The following FTO variants were observed in gnomAD, a reference collection of about 807,000 sequenced individuals.
The protein encoded by FTO is alpha-ketoglutarate-dependent dioxygenase FTO.
FTO carries 47 observed loss-of-function variants against 63.9 expected under a neutral mutation model. The ratio of observed to expected loss-of-function variants is 0.74; its 90% CI spans 0.58 to 0.94. FTO has a LOEUF of 0.94. Among genes scored for constraint, FTO ranks in the 40% least tolerant of loss-of-function variants. FTO has a pLI of 0.00. For missense variants in FTO, 562 were observed against 618.1 expected, an observed-to-expected ratio of 0.91 and a Z score of 0.96; for synonymous variants, 207 against 224.4, an observed-to-expected ratio of 0.92 and a Z score of 0.69.
At chr16:53,817,529 A>G (rs529839658) in intron 2 of FTO, among the ~76,000 whole-genome samples, 1 of 152,326 alleles carries the variant, frequency 6.6e-6, no homozygotes, top group Admixed American at 6.5e-5. Flanking sequence ...AGAATATTCT[A>G]GTACTTCTAA....
intron 6 of FTO, among the ~76,000 whole-genome samples, chr16:53,881,897 T>C (rs1469702694): frequency 6.6e-6 from 1 of 152,218 alleles, no homozygotes; most frequent in Non-Finnish European, 1.5e-5. Context: ...AGTAATGTTA[T>C]TACATTCCAG....
At chr16:54,109,968 G>A (rs940144345) in intron 8 of FTO, among the ~76,000 whole-genome samples, 2 of 152,158 alleles carry the variant, frequency 1.3e-5, no homozygotes, top group African/African-American at 2.4e-5. Flanking sequence ...TCCCTACCCA[G>A]TAAATTGAGC....
intron 8 of FTO, among the ~76,000 whole-genome samples, chr16:54,075,844 T>G (rs1224118332): frequency 6.6e-6 from 1 of 152,242 alleles, no homozygotes; most frequent in Admixed American, 6.5e-5. Context: ...AGAGTCTTGA[T>G]GCTTGTTTTT....
chr16:54,062,313 G>C (rs762114051), intron 8 of FTO, among the ~76,000 whole-genome samples: 3 of 152,166 alleles, frequency 2.0e-5, no homozygotes, highest in African/African-American at 4.8e-5. Context: ...AGATTGACAG[G>C]CTTGGCCGTT....
chr16:53,704,970 A>G (rs1235855075), intron 1 of FTO, among the ~76,000 whole-genome samples: 3 of 152,046 alleles, frequency 2.0e-5, no homozygotes, highest in African/African-American at 4.8e-5. Context: ...TCTCATTCCC[A>G]AACTCAGATC....
chr16:53,747,590 T>C (rs538493725), intron 1 of FTO, among the ~76,000 whole-genome samples: 1 of 152,292 alleles, frequency 6.6e-6, no homozygotes, highest in Admixed American at 6.5e-5. Flanking sequence ...GTATAGCTTA[T>C]AAATGTTTTC....
chr16:53,808,334 CAA>C (rs376502692), intron 1 of FTO, among the ~76,000 whole-genome samples: 3 of 136,008 alleles, frequency 2.2e-5, no homozygotes, highest in African/African-American at 2.7e-5. Context: ...ACCCTGTCTC[CAA>C]AAAAAAAAAA....
intron 2 of FTO, among the ~76,000 whole-genome samples, chr16:53,822,390 G>A (rs1426915133): frequency 6.6e-6 from 1 of 152,172 alleles, no homozygotes; most frequent in Non-Finnish European, 1.5e-5. Flanking sequence ...ACTCTTATCA[G>A]TAGATAAGCA....
intron 8 of FTO, among the ~76,000 whole-genome samples, chr16:54,065,783 G>A (rs2085713447): frequency 6.6e-6 from 1 of 152,204 alleles, no homozygotes; most frequent in Admixed American, 6.5e-5. Context: ...CCAGCCCACT[G>A]TTAGGGATCA....
At chr16:54,031,148 A>G (rs2084821954) in intron 8 of FTO, among the ~76,000 whole-genome samples, 1 of 152,206 alleles carries the variant, frequency 6.6e-6, no homozygotes, top group Admixed American at 6.5e-5. Context: ...AGGTAATCAA[A>G]TCATTTCTTT....
At chr16:53,852,660 T>C (rs1408495362) in intron 4 of FTO, among the ~76,000 whole-genome samples, 1 of 152,232 alleles carries the variant, frequency 6.6e-6, no homozygotes, top group Non-Finnish European at 1.5e-5. Flanking sequence ...TAATCTACTG[T>C]AACTATCCAA....
At chr16:54,001,513 C>T (rs1379062072) in intron 8 of FTO, among the ~76,000 whole-genome samples, 1 of 152,124 alleles carries the variant, frequency 6.6e-6, no homozygotes, top group Non-Finnish European at 1.5e-5. Flanking sequence ...TGGAGGAAAA[C>T]CTAGCTGTAT....
At chr16:53,910,995 G>C (rs1292611103) in intron 7 of FTO, among the ~76,000 whole-genome samples, 1 of 152,242 alleles carries the variant, frequency 6.6e-6, no homozygotes, top group Non-Finnish European at 1.5e-5. Flanking sequence ...AGGAAGTTTA[G>C]GGGCAAATGA....
At chr16:53,895,689 A>T (rs967949761) in intron 7 of FTO, among the ~76,000 whole-genome samples, 8 of 152,168 alleles carry the variant, frequency 5.3e-5, no homozygotes, top group African/African-American at 1.9e-4. Context: ...TAACCCTTAC[A>T]TGAGCTGTGT....
chr16:53,737,401 T>C (rs1350083215), intron 1 of FTO, among the ~76,000 whole-genome samples: 3 of 152,224 alleles, frequency 2.0e-5, no homozygotes, highest in East Asian at 1.9e-4. Flanking sequence ...GCCTATTCTC[T>C]ACTGCATCAG....
intron 1 of FTO, among the ~76,000 whole-genome samples, chr16:53,756,838 G>A (rs561831293): frequency 1.3e-5 from 2 of 152,288 alleles, no homozygotes; most frequent in South Asian, 2.1e-4. Flanking sequence ...TGCACTCTTT[G>A]TGTACTCAGA....
At chr16:53,992,034 T>G (rs2083823116) in intron 8 of FTO, 1 of 152,108 alleles carries the variant, frequency 6.6e-6, no homozygotes, top group Non-Finnish European at 1.5e-5. Flanking sequence ...AGGACGACTT[T>G]GAGCGTTAGA....
intron 8 of FTO, among the ~76,000 whole-genome samples, chr16:53,954,006 C>T (rs2082862672): frequency 6.6e-6 from 1 of 152,212 alleles, no homozygotes; most frequent in Non-Finnish European, 1.5e-5. Flanking sequence ...TCTACCTTCA[C>T]TTATAGCTTC....
chr16:54,108,666 T>C (rs1167280649), intron 8 of FTO, among the ~76,000 whole-genome samples: 2 of 152,208 alleles, frequency 1.3e-5, no homozygotes, highest in Non-Finnish European at 2.9e-5. Context: ...TTATAGGTAT[T>C]GGGCGCTTGC....
Sources: allele counts gnomAD v4.1 joint callset (sites outside exome capture counted in the v4.1 genomes callset), GRCh38; gene constraint gnomAD v4.1.1; transcripts MANE v1.5; gene names NCBI Gene and HGNC (gene_info 2026-07-23, HGNC 2026-07-21).